Variants in SPOCK3 observed in about 807,000 individuals in gnomAD.
SPOCK3 encodes the protein testican-3.
A neutral mutation model predicts 56.6 loss-of-function variants in SPOCK3; 30 were observed. That is an observed-to-expected ratio of 0.53 (90% CI 0.40 to 0.72). The LOEUF is 0.72. Ranked by LOEUF, SPOCK3 falls within the 30% of genes least tolerant of loss-of-function variation. The pLI, the probability that SPOCK3 is intolerant of heterozygous loss-of-function variation, is 0.00. For synonymous variants in SPOCK3, 196 were observed against 183.3 expected (o/e 1.07, Z -0.56); for missense variants, 527 against 530.0 (o/e 0.99, Z 0.06).
intron 3 of SPOCK3, among the ~76,000 whole-genome samples, chr4:167,051,240 A>G (rs576984706): frequency 2.6e-5 from 4 of 152,314 alleles, no homozygotes; most frequent in East Asian, 1.9e-4. Context: ...CTAGACAACT[A>G]TACTTTTTAA....
At chr4:167,188,988 G>C (rs2110830495) in intron 2 of SPOCK3, among the ~76,000 whole-genome samples, 1 of 146,226 alleles carries the variant, frequency 6.8e-6, no homozygotes, top group African/African-American at 2.6e-5. Context: ...AGGCTTCACT[G>C]TTGAAGTCCG....
intron 6 of SPOCK3, among the ~76,000 whole-genome samples, chr4:166,874,761 T>A (rs1349395283): frequency 1.3e-5 from 2 of 152,196 alleles, no homozygotes; most frequent in Admixed American, 6.5e-5. Flanking sequence ...ATTTGGTACA[T>A]GACGTATATG....
At chr4:166,861,990 C>T (rs1731290062) in intron 6 of SPOCK3, among the ~76,000 whole-genome samples, 1 of 152,042 alleles carries the variant, frequency 6.6e-6, no homozygotes, top group Non-Finnish European at 1.5e-5. Flanking sequence ...TAGAAATTTA[C>T]AGTGTATCCT....
At chr4:167,148,158 T>C (rs1764128654) in intron 2 of SPOCK3, among the ~76,000 whole-genome samples, 1 of 152,144 alleles carries the variant, frequency 6.6e-6, no homozygotes, top group South Asian at 2.1e-4. Context: ...GAATTTGTCT[T>C]CCAGGGGATC....
chr4:167,232,799 C>T (rs916938065), intron 2 of SPOCK3, among the ~76,000 whole-genome samples: 1 of 152,124 alleles, frequency 6.6e-6, no homozygotes, highest in Non-Finnish European at 1.5e-5. Context: ...TGTGTTTCTT[C>T]AGGAATCCCT....
intron 3 of SPOCK3, among the ~76,000 whole-genome samples, chr4:167,007,279 C>T (rs1305711309): frequency 6.6e-6 from 1 of 152,048 alleles, no homozygotes; most frequent in Non-Finnish European, 1.5e-5. Context: ...ATACTCAAGA[C>T]CCTTATATAA....
At chr4:167,033,204 A>C (rs963985240) in intron 3 of SPOCK3, among the ~76,000 whole-genome samples, 2 of 151,750 alleles carry the variant, frequency 1.3e-5, no homozygotes, top group Non-Finnish European at 2.9e-5. Context: ...TTAAACTAAA[A>C]GGAATTCTTC....
intron 7 of SPOCK3, among the ~76,000 whole-genome samples, chr4:166,772,724 C>T (rs4860022): frequency 0.33 from 50,388 of 151,916 alleles, 8,529 homozygotes; most frequent in Admixed American, 0.42. Flanking sequence ...TGTGCAAAAA[C>T]TACTTTTAGA....
chr4:166,912,096 T>G (rs529460596), intron 5 of SPOCK3, among the ~76,000 whole-genome samples: 3 of 152,050 alleles, frequency 2.0e-5, no homozygotes. Context: ...GGAACAACAA[T>G]GTAGAAGAGA....
At chr4:166,887,342 C>G (rs1035223170) in intron 6 of SPOCK3, among the ~76,000 whole-genome samples, 9 of 152,084 alleles carry the variant, frequency 5.9e-5, no homozygotes, top group African/African-American at 2.2e-4. Flanking sequence ...CTTACTATGA[C>G]CACATCTCAA....
intron 6 of SPOCK3, among the ~76,000 whole-genome samples, chr4:166,837,982 T>C (rs1746808835): frequency 1.3e-5 from 2 of 152,188 alleles, no homozygotes; most frequent in Admixed American, 6.5e-5. Flanking sequence ...CATCTCATGA[T>C]ATATATCGTG....
intron 2 of SPOCK3, among the ~76,000 whole-genome samples, chr4:167,098,756 G>C (rs1029742783): frequency 3.3e-5 from 5 of 151,634 alleles, no homozygotes; most frequent in African/African-American, 7.3e-5. Context: ...CTCTTTGTTG[G>C]TGGGTTAACT....
chr4:167,162,642 A>T (rs1235586678), intron 2 of SPOCK3, among the ~76,000 whole-genome samples: 3 of 152,042 alleles, frequency 2.0e-5, no homozygotes, highest in South Asian at 2.1e-4. Context: ...ACTACAGAAG[A>T]GGAAAGAGAG....
At chr4:167,096,068 C>G (rs1759124834) in intron 2 of SPOCK3, among the ~76,000 whole-genome samples, 1 of 151,750 alleles carries the variant, frequency 6.6e-6, no homozygotes, top group Non-Finnish European at 1.5e-5. Flanking sequence ...TATTGGCTTT[C>G]TATGTGCAAA....
intron 7 of SPOCK3, among the ~76,000 whole-genome samples, chr4:166,779,259 A>C (rs2126607877): frequency 6.6e-6 from 1 of 152,306 alleles, no homozygotes; most frequent in Non-Finnish European, 1.5e-5. Context: ...AGACATGTTA[A>C]AAATCAGAAA....
At chr4:167,186,461 T>G (rs2110805669) in intron 2 of SPOCK3, among the ~76,000 whole-genome samples, 1 of 151,986 alleles carries the variant, frequency 6.6e-6, no homozygotes, top group East Asian at 1.9e-4. Flanking sequence ...ACCCCATCTC[T>G]ACTGAAAATA....
intron 7 of SPOCK3, among the ~76,000 whole-genome samples, chr4:166,768,314 C>T (rs1738422559): frequency 6.6e-6 from 1 of 152,190 alleles, no homozygotes; most frequent in Non-Finnish European, 1.5e-5. Context: ...CATGTTTTTG[C>T]AGTGGCTGGT....
At chr4:166,934,363 T>TG (rs1373679144) in intron 4 of SPOCK3, among the ~76,000 whole-genome samples, 1 of 145,976 alleles carries the variant, frequency 6.9e-6, no homozygotes, top group African/African-American at 2.5e-5. Context: ...TCAGGTGTGG[T>TG]GGGGGGCACC....
At position 167,152,011 on chromosome 4, in the gene SPOCK3, T is replaced by C. The variant is rs542320314; in HGVS notation, c.189+81974A>G. Among the ~76,000 whole-genome samples the C allele has an allele frequency of 5.9e-5, 9 of 152,192 alleles. No homozygotes were observed. In the South Asian group the frequency reaches 1.0e-3, roughly 18 times the overall value. On this transcript the variant is annotated intron_variant, in intron 2 of 10. Coordinates refer to ENST00000357545, the MANE Select transcript of SPOCK3 (RefSeq NM_001040159.2). ...CTTTTGTTCATAGAAAACACAACAA[T>C]GAGTCTCTGGAATTTTTACTTAAAA...
Sources: allele counts gnomAD v4.1 joint callset (sites outside exome capture counted in the v4.1 genomes callset), GRCh38; gene constraint gnomAD v4.1.1; transcripts MANE v1.5; gene names NCBI Gene and HGNC (gene_info 2026-07-23, HGNC 2026-07-21).